Variants in INPP5A observed in about 807,000 individuals in gnomAD.
INPP5A encodes inositol polyphosphate-5-phosphatase A.
A neutral mutation model predicts 65.2 loss-of-function variants in INPP5A; 14 were observed. That is an observed-to-expected ratio of 0.21 (90% CI 0.14 to 0.34). INPP5A has a LOEUF of 0.34. Among genes scored for constraint, INPP5A ranks in the 10% least tolerant of loss-of-function variants. INPP5A has a pLI of 1.00. For synonymous variants in INPP5A, 207 were observed against 208.3 expected (o/e 0.99, Z 0.05); for missense variants, 431 against 545.6 (o/e 0.79, Z 2.09).
At chr10:132,703,963 A>C in intron 6 of INPP5A, among the ~76,000 whole-genome samples, 2 of 73,308 alleles carry the variant, frequency 2.7e-5, no homozygotes, top group Non-Finnish European at 2.5e-5. Context: ...TCACACACAC[A>C]TGCCACACAC....
At chr10:132,672,481 G>A (rs2072903563) in intron 4 of INPP5A, among the ~76,000 whole-genome samples, 1 of 152,122 alleles carries the variant, frequency 6.6e-6, no homozygotes, top group African/African-American at 2.4e-5. Flanking sequence ...CATGAGATCT[G>A]ATGGTTTTAC....
intron 11 of INPP5A, among the ~76,000 whole-genome samples, chr10:132,765,188 G>A (rs576141924): frequency 9.8e-5 from 15 of 152,326 alleles, no homozygotes; most frequent in South Asian, 4.1e-4. Flanking sequence ...CGGTGGGCCA[G>A]TCCTGCAGGT....
rs184997025 is a variant in INPP5A at position 132,678,249 on chromosome 10, G to C, written c.307-12143G>C. ...GGAAGTGGGCAGTAGTGAGGACGCC[G>C]CCTTGTCCAGTTGGGTCAGCCGCCC... On this transcript the variant is annotated intron_variant, in intron 4 of 15. Transcript: ENST00000368594. The surrounding 1 kb of genome is among the most constrained non-coding windows in gnomAD (Gnocchi z 4.1). Among the ~76,000 whole-genome samples the C allele has an allele frequency of 6.6e-6, 1 of 152,198 alleles. No homozygotes were observed. Among genetic ancestry groups the C allele is most frequent in the Non-Finnish European group, 1.5e-5 (1 of 68,040 alleles).
rs1051021723 is a variant in INPP5A, at chr10:132,676,696, T to A, written c.307-13696T>A. The stretch of plus-strand genomic sequence containing the variant: ...TGTGGCTGCTCCCTCCTCCTGACTC[T>A]GCTCCAAGGTGCCACCTGCCCAAGG... On this transcript the variant is annotated intron_variant, in intron 4 of 15. Coordinates refer to ENST00000368594, the MANE Select transcript of INPP5A (RefSeq NM_005539.5). This position sits in a 1 kb window ranked among gnomAD's most constrained non-coding sequence, Gnocchi z 4.0. Among the ~76,000 whole-genome samples, 7 of 152,132 alleles carry A rather than the reference T, an allele frequency of 4.6e-5. No homozygotes were observed. The highest frequency in any genetic ancestry group is 8.8e-5 in the Non-Finnish European group (6 of 68,016).
At chr10:132,774,054 G>A (rs1847002107) in intron 12 of INPP5A, among the ~76,000 whole-genome samples, 1 of 152,198 alleles carries the variant, frequency 6.6e-6, no homozygotes, top group South Asian at 2.1e-4. Flanking sequence ...GAGCCCCCAT[G>A]CCCAGCCCCC....
Position 132,779,918 on chromosome 10 carries a change from ATTTG to A in INPP5A, c.1090-927_1090-924del, listed in dbSNP as rs553227244. ...CCGCACGCTGCCTGTGCCCGCCGTA[ATTTG>A]TTTATCTGTCCAAAGATTATGCAGT... On this transcript the variant is annotated intron_variant, in intron 13 of 15. Coordinates refer to ENST00000368594, the MANE Select transcript of INPP5A (RefSeq NM_005539.5). Among the ~76,000 whole-genome samples the A allele has an allele frequency of 1.8e-3, 272 of 152,328 alleles. 1 individual carries two copies. Among genetic ancestry groups the A allele is most frequent in the Middle Eastern group, 6.8e-3 (2 of 294 alleles).
intron 9 of INPP5A, among the ~76,000 whole-genome samples, chr10:132,742,129 C>T (rs116521339): frequency 9.6e-4 from 147 of 152,340 alleles, no homozygotes; most frequent in African/African-American, 3.3e-3. Flanking sequence ...CCATGAGCCA[C>T]GCTGCATCAG....
chr10:132,662,787 T>C (rs940721232), intron 4 of INPP5A, among the ~76,000 whole-genome samples: 45 of 152,086 alleles, frequency 3.0e-4, no homozygotes, highest in Admixed American at 3.3e-4. Context: ...CATGCTGTAG[T>C]TTAGCAAACA....
chr10:132,701,945 G>A (rs1177574284), intron 6 of INPP5A, among the ~76,000 whole-genome samples: 1 of 152,230 alleles, frequency 6.6e-6, no homozygotes, highest in Non-Finnish European at 1.5e-5. Context: ...CTGAGTGCTG[G>A]TGGGGCCACC....
chr10:132,559,174 C>A (rs1179574626), intron 1 of INPP5A, among the ~76,000 whole-genome samples: 2 of 152,176 alleles, frequency 1.3e-5, no homozygotes, highest in Non-Finnish European at 2.9e-5. Context: ...AGGAAGGCTG[C>A]CCGCCGCTCG....
chr10:132,752,989 C>T (rs978423073), intron 11 of INPP5A, among the ~76,000 whole-genome samples: 5 of 152,108 alleles, frequency 3.3e-5, no homozygotes, highest in Admixed American at 1.3e-4. Context: ...GTCGATACGT[C>T]GGGAGTCCCA....
intron 2 of INPP5A, among the ~76,000 whole-genome samples, chr10:132,618,797 G>C (rs1010973985): frequency 4.6e-5 from 7 of 152,168 alleles, no homozygotes; most frequent in Admixed American, 4.6e-4. Context: ...AAGAGAGAGC[G>C]AGTGGGGATG....
chr10:132,690,785 C>A (rs908504130), intron 5 of INPP5A, among the ~76,000 whole-genome samples: 3 of 152,158 alleles, frequency 2.0e-5, no homozygotes, highest in Non-Finnish European at 4.4e-5. Context: ...GAAATAAGAA[C>A]AGGCAGGGAC....
At chr10:132,721,485 G>T (rs1845879201) in intron 8 of INPP5A, among the ~76,000 whole-genome samples, 1 of 151,986 alleles carries the variant, frequency 6.6e-6, no homozygotes, top group East Asian at 1.9e-4. Context: ...GCTGTCTTCA[G>T]GGTTCTGTGG....
At chr10:132,632,187 C>T (rs1032258498) in intron 2 of INPP5A, among the ~76,000 whole-genome samples, 3 of 152,358 alleles carry the variant, frequency 2.0e-5, no homozygotes, top group East Asian at 1.9e-4. Flanking sequence ...CCATCCTCTG[C>T]GGTCCAGCAA....
At chr10:132,652,243 A>C (rs755706213) in intron 4 of INPP5A, among the ~76,000 whole-genome samples, 2 of 152,254 alleles carry the variant, frequency 1.3e-5, no homozygotes, top group Non-Finnish European at 2.9e-5. Flanking sequence ...TGCAGAAGAA[A>C]AGAGAAGGTG....
chr10:132,612,704 G>A (rs555945263), intron 2 of INPP5A, among the ~76,000 whole-genome samples: 15 of 152,330 alleles, frequency 9.8e-5, no homozygotes, highest in African/African-American at 3.4e-4. Flanking sequence ...CGGCTGTGAG[G>A]GGCTGGGCTG....
At chr10:132,626,065 G>A (rs944981239) in intron 2 of INPP5A, among the ~76,000 whole-genome samples, 9 of 152,300 alleles carry the variant, frequency 5.9e-5, no homozygotes, top group East Asian at 1.9e-4. Context: ...CCACAGATCC[G>A]TTTTTCCCAT....
chr10:132,631,566 C>T (rs892108696), intron 2 of INPP5A, among the ~76,000 whole-genome samples: 7 of 152,198 alleles, frequency 4.6e-5, no homozygotes, highest in East Asian at 3.8e-4. Context: ...TAGGTCACTC[C>T]GATACTCCTC....
Sources: gnomAD v4.1 joint callset for allele counts (sites outside exome capture counted in the v4.1 genomes callset) on GRCh38, gnomAD v4.1.1 for gene constraint, Gnocchi (gnomAD v3.1) non-coding constraint, MANE v1.5 for transcripts, NCBI Gene and HGNC (gene_info 2026-07-23, HGNC 2026-07-21) for gene names.